The following RUNX2 variants were observed in gnomAD, a reference collection of about 807,000 sequenced individuals.
RUNX2 encodes RUNX family transcription factor 2.
A neutral mutation model predicts 51.7 loss-of-function variants in RUNX2; 10 were observed. That is an observed-to-expected ratio of 0.19 (90% confidence interval 0.12 to 0.33). RUNX2 has a LOEUF of 0.33. RUNX2 is among the 10% of genes least tolerant of loss of function. The pLI, the probability that RUNX2 is intolerant of heterozygous loss-of-function variation, is 1.00. For missense variants in RUNX2, 562 were observed against 691.3 expected, an observed-to-expected ratio of 0.81 and a Z score of 2.10; for synonymous variants, 276 against 273.6, an observed-to-expected ratio of 1.01 and a Z score of -0.09.
rs772665946 is a variant in RUNX2 at position 45,365,153 on chromosome 6, G to A, written c.58+36369G>A. ...TGTTATGTCTATTGTCTTTCAACATGAATAAATTTAAAATAGTAATAGCAA... is the reference window on the plus strand; with the variant it reads ...TGTTATGTCTATTGTCTTTCAACATAAATAAATTTAAAATAGTAATAGCAA... On this transcript the variant is annotated intron_variant, in intron 2 of 8. Coordinates refer to ENST00000647337, the MANE Select transcript of RUNX2 (RefSeq NM_001024630.4). The A allele has an allele frequency of 5.3e-6, 6 of 1,138,018 alleles. No homozygotes were observed. The South Asian group carries it at 6.3e-5, about 12-fold the overall frequency. 70.5% of individuals were successfully genotyped at this position (1,138,018 alleles called of 1,614,324 possible). A position where few individuals can be genotyped will look rare whatever the true frequency, so the allele number is the denominator to read the frequency against.
intron 2 of RUNX2, among the ~76,000 whole-genome samples, chr6:45,384,055 A>G (rs1797296161): frequency 6.6e-6 from 1 of 152,222 alleles, no homozygotes; most frequent in Admixed American, 6.5e-5. Context: ...TCAGTCAGGT[A>G]TAGTGTAAAA....
At chr6:45,455,427 A>G (rs979085575) in intron 5 of RUNX2, among the ~76,000 whole-genome samples, 3 of 152,194 alleles carry the variant, frequency 2.0e-5, no homozygotes, top group South Asian at 2.1e-4. Flanking sequence ...ATTTTAGGAA[A>G]GAAAATCAGC....
At chr6:45,404,797 C>T (rs532287334) in intron 2 of RUNX2, among the ~76,000 whole-genome samples, 2 of 152,364 alleles carry the variant, frequency 1.3e-5, no homozygotes, top group East Asian at 3.9e-4. Context: ...GATTTCAATG[C>T]TCCCTTCATG....
chr6:45,400,008 A>AGGAAGGAAAGAAGGAGGGAGGGAG, intron 2 of RUNX2, among the ~76,000 whole-genome samples: 1 of 137,772 alleles, frequency 7.3e-6, no homozygotes, highest in East Asian at 2.5e-4. Context: ...GAGGGAAGAA[A>AGGAAGGAAAGAAGGAGGGAGGGAG]GGAAGGAAAG....
At chr6:45,511,864 T>A (rs1344741946) in intron 6 of RUNX2, among the ~76,000 whole-genome samples, 3 of 152,240 alleles carry the variant, frequency 2.0e-5, no homozygotes, top group South Asian at 2.1e-4. Flanking sequence ...GAAAAAGTTA[T>A]CCATGTTCAC....
chr6:45,384,663 A>G (rs1043939616), intron 2 of RUNX2, among the ~76,000 whole-genome samples: 2 of 143,514 alleles, frequency 1.4e-5, no homozygotes, highest in African/African-American at 5.2e-5. Flanking sequence ...ACATAGTACT[A>G]TTAAACACAA....
At chr6:45,453,324 ACGTTG>A (rs1393797232) in intron 5 of RUNX2, among the ~76,000 whole-genome samples, 1 of 152,152 alleles carries the variant, frequency 6.6e-6, no homozygotes, top group African/African-American at 2.4e-5. Flanking sequence ...CTTCTCAAAC[ACGTTG>A]CTATAGGAAA....
Position 45,328,636 on chromosome 6 carries a change from G to C in RUNX2, c.-66-25G>C, listed in dbSNP as rs1386535707. 3 of 1,609,932 alleles carry C rather than the reference G, an allele frequency of 1.9e-6. 1 individual carries two copies. On this transcript the variant is annotated intron_variant, in intron 1 of 8. Transcript: ENST00000647337. Reference sequence around the variant, plus strand: ...AGGCATACTGTAAAACTAAAACAAGGTTTGGGTATGGTTTGTATTTTCAGT... The same window carrying C: ...AGGCATACTGTAAAACTAAAACAAGCTTTGGGTATGGTTTGTATTTTCAGT...
intron 6 of RUNX2, among the ~76,000 whole-genome samples, chr6:45,505,714 C>T (rs1002756631): frequency 2.6e-5 from 4 of 152,280 alleles, no homozygotes; most frequent in South Asian, 4.1e-4. Flanking sequence ...CCCCTGGGTA[C>T]GGTTTTGCCT....
intron 5 of RUNX2, among the ~76,000 whole-genome samples, chr6:45,480,306 G>A (rs1261366616): frequency 1.3e-5 from 2 of 152,174 alleles, no homozygotes. Context: ...GCAGCTTAGA[G>A]AGAAATGATT....
chr6:45,406,518 G>C (rs372208833), intron 2 of RUNX2, among the ~76,000 whole-genome samples: 3 of 152,122 alleles, frequency 2.0e-5, no homozygotes, highest in African/African-American at 7.2e-5. Flanking sequence ...AGGTTCAAGC[G>C]ATTCTTGTGC....
At chr6:45,422,135 G>T in intron 2 of RUNX2, 1 of 151,170 alleles carries the variant, frequency 6.6e-6, no homozygotes, top group South Asian at 2.0e-4. Flanking sequence ...CGGCAATGCC[G>T]GCCCCGGGGC....
chr6:45,515,167 C>G (rs1465701326), intron 7 of RUNX2, among the ~76,000 whole-genome samples: 1 of 152,094 alleles, frequency 6.6e-6, no homozygotes, highest in Non-Finnish European at 1.5e-5. Context: ...ATTTTCATCT[C>G]CATATCTAAA....
rs535108559 is a variant in RUNX2, at chr6:45,433,220, G to A, written c.580+1201G>A. On this transcript the variant is annotated intron_variant, in intron 4 of 8. Coordinates refer to ENST00000647337, the MANE Select transcript of RUNX2 (RefSeq NM_001024630.4). Reference sequence around the variant, plus strand: ...AAATAAAATGAGGCTCACAGCCTCCGGTAGAATCAAAACTAAGGGAGTTAT... The same window carrying A: ...AAATAAAATGAGGCTCACAGCCTCCAGTAGAATCAAAACTAAGGGAGTTAT... Among the ~76,000 whole-genome samples the A allele has an allele frequency of 1.8e-3, 270 of 152,230 alleles. 2 individuals are homozygous for A. Among genetic ancestry groups the A allele is most frequent in the Non-Finnish European group, 4.9e-4 (33 of 68,008 alleles).
intron 7 of RUNX2, among the ~76,000 whole-genome samples, chr6:45,540,302 T>C (rs977871563): frequency 6.6e-6 from 1 of 152,226 alleles, no homozygotes; most frequent in South Asian, 2.1e-4. Context: ...AAGGCCCTGC[T>C]GCCTGTGTGA....
intron 2 of RUNX2, among the ~76,000 whole-genome samples, chr6:45,387,880 A>C (rs1162984362): frequency 6.6e-6 from 1 of 152,214 alleles, no homozygotes; most frequent in African/African-American, 2.4e-5. Flanking sequence ...AATCGTTGGC[A>C]AAACAGCTTC....
In RUNX2 at chr6:45,328,769, C is replaced by A. The variant is rs1441434124; in HGVS notation, c.43C>A (p.Gln15Lys). Reference protein sequence around the residue: ...SLFSTVTPCQQNFFWDPSTSR... With the variant: ...SLFSTVTPCQKNFFWDPSTSR... ...CTTCAGCACAGTGACACCATGTCAG[C>A]AAAACTTCTTTTGGGGTAAGTGTTA... The change falls in exon 2 of 9, where the codon CAA becomes AAA. Residue 15 changes from glutamine (Q) to lysine (K), a missense_variant. This residue lies in a region of RUNX2 where 153 missense variants were observed against 144.8 expected (regional missense o/e 1.06). Coordinates refer to ENST00000647337, the MANE Select transcript of RUNX2 (RefSeq NM_001024630.4). The A allele has an allele frequency of 9.9e-6, 16 of 1,611,900 alleles. No homozygotes were observed. The highest frequency in any genetic ancestry group is 1.3e-5 in the African/African-American group (1 of 74,760).
chr6:45,335,864 TA>T (rs909623623), intron 2 of RUNX2, among the ~76,000 whole-genome samples: 1 of 151,324 alleles, frequency 6.6e-6, no homozygotes, highest in Non-Finnish European at 1.5e-5. Flanking sequence ...AGCATTTCGG[TA>T]ATTCAGCTTT....
At chr6:45,466,244 C>T (rs1488432992) in intron 5 of RUNX2, among the ~76,000 whole-genome samples, 4 of 151,544 alleles carry the variant, frequency 2.6e-5, no homozygotes, top group Non-Finnish European at 5.9e-5. Context: ...ACCAGGGAGG[C>T]TGAGGTTGCA....
Sources: gnomAD v4.1 joint callset for allele counts (sites outside exome capture counted in the v4.1 genomes callset) on GRCh38, gnomAD v4.1.1 for gene constraint, gnomAD v4.1.1 regional missense constraint, MANE v1.5 for transcripts, NCBI Gene and HGNC (gene_info 2026-07-23, HGNC 2026-07-21) for gene names.